Variants in SEMA5A observed in about 807,000 individuals in gnomAD.
SEMA5A encodes semaphorin 5A.
In SEMA5A, 55 loss-of-function variants were observed where a neutral mutation model predicts 135.5. The observed-to-expected ratio is 0.41, with a 90% confidence interval of 0.33 to 0.51. The LOEUF (loss-of-function observed/expected upper bound fraction) is 0.51, where lower values mean the gene tolerates loss of function less well. SEMA5A is among the 20% of genes least tolerant of loss of function. SEMA5A has a pLI of 0.37. For synonymous variants in SEMA5A, 580 were observed against 546.5 expected (o/e 1.06, Z -0.85); for missense variants, 1,290 against 1,419.9 (o/e 0.91, Z 1.47).
intron 5 of SEMA5A, among the ~76,000 whole-genome samples, chr5:9,264,140 A>C (rs1749552041): frequency 1.3e-5 from 2 of 152,246 alleles, no homozygotes; most frequent in African/African-American, 4.8e-5. Context: ...ATAAGAAGAG[A>C]ATAAAACATA....
chr5:9,116,865 C>G (rs1740543210), intron 15 of SEMA5A, among the ~76,000 whole-genome samples: 1 of 152,132 alleles, frequency 6.6e-6, no homozygotes, highest in African/African-American at 2.4e-5. Context: ...TTTCATATAA[C>G]ATGGCAGAGA....
chr5:9,204,285 G>C lies in SEMA5A; in HGVS notation c.647-2045C>G, dbSNP rs946533629. On this transcript the variant is annotated intron_variant, in intron 8 of 22. Transcript: ENST00000382496. The surrounding 1 kb of genome is among the most constrained non-coding windows in gnomAD (Gnocchi z 6.4). Reference sequence around the variant, plus strand: ...GTAAGGGTCCAAGTGTGTCTAGCCCGGGACTTAGGTTACCAGCACACATGC... The same window carrying C: ...GTAAGGGTCCAAGTGTGTCTAGCCCCGGACTTAGGTTACCAGCACACATGC... 6.6e-6 allele frequency among the ~76,000 whole-genome samples: 1 copy of C among 152,100 alleles called. No homozygotes were observed. The highest frequency in any genetic ancestry group is 2.4e-5 in the African/African-American group (1 of 41,408).
chr5:9,137,895 C>A lies in SEMA5A; in HGVS notation c.1482-1274G>T, dbSNP rs140506763. Among the ~76,000 whole-genome samples, 136 of 152,190 alleles carry A rather than the reference C, an allele frequency of 8.9e-4. 2 individuals are homozygous for A. Among genetic ancestry groups the A allele is most frequent in the African/African-American group, 2.9e-3 (121 of 41,510 alleles). ...TTTGGTCATTTAAACCCCATGACAA[C>A]CTTATTAATACAGTACCTCAATTAG... On this transcript the variant is annotated intron_variant, in intron 12 of 22. Transcript: ENST00000382496.
At chr5:9,473,034 C>T (rs1034939255) in intron 1 of SEMA5A, among the ~76,000 whole-genome samples, 2 of 148,944 alleles carry the variant, frequency 1.3e-5, no homozygotes, top group African/African-American at 4.9e-5. Flanking sequence ...TTTCTTTGCC[C>T]CATATTTTAA....
At chr5:9,482,051 T>C (rs557478842) in intron 1 of SEMA5A, among the ~76,000 whole-genome samples, 6 of 152,342 alleles carry the variant, frequency 3.9e-5, no homozygotes, top group African/African-American at 9.6e-5. Context: ...GAAATTTCAC[T>C]GACCCAAAAA....
chr5:9,201,825 T>C (rs1031718239), intron 9 of SEMA5A, 130 bp downstream of exon 9: 4 of 846,780 alleles, frequency 4.7e-6, no homozygotes, highest in Non-Finnish European at 7.2e-6. Flanking sequence ...TCCTCTTTTT[T>C]TGTCTGTTAG....
intron 1 of SEMA5A, among the ~76,000 whole-genome samples, chr5:9,493,190 C>T (rs1402784230): frequency 1.3e-5 from 2 of 151,606 alleles, no homozygotes; most frequent in Non-Finnish European, 2.9e-5. Flanking sequence ...AAAATAAAGC[C>T]TAACAGTTCA....
At chr5:9,205,659 A>G (rs868209467) in intron 8 of SEMA5A, among the ~76,000 whole-genome samples, 1 of 152,212 alleles carries the variant, frequency 6.6e-6, no homozygotes, top group Non-Finnish European at 1.5e-5. Flanking sequence ...GCTCAAATAC[A>G]TGTTTTCCTT....
intron 4 of SEMA5A, among the ~76,000 whole-genome samples, chr5:9,322,407 G>GA (rs1455714583): frequency 6.6e-6 from 1 of 151,976 alleles, no homozygotes; most frequent in Non-Finnish European, 1.5e-5. Flanking sequence ...TGCTTACTAG[G>GA]AAAAATAGCA....
intron 1 of SEMA5A, among the ~76,000 whole-genome samples, chr5:9,497,197 A>G (rs1156669787): frequency 6.6e-6 from 1 of 152,200 alleles, no homozygotes; most frequent in Non-Finnish European, 1.5e-5. Flanking sequence ...TAATCAGCTG[A>G]TGATCAATGA....
chr5:9,297,201 T>C (rs1751380668), intron 5 of SEMA5A, among the ~76,000 whole-genome samples: 2 of 150,422 alleles, frequency 1.3e-5, no homozygotes, highest in South Asian at 4.2e-4. Context: ...CACATACATA[T>C]GTATATACAC....
chr5:9,480,292 A>G (rs1759826662), intron 1 of SEMA5A, among the ~76,000 whole-genome samples: 2 of 152,244 alleles, frequency 1.3e-5, no homozygotes, highest in Non-Finnish European at 2.9e-5. Context: ...ACTTTTTACT[A>G]TGTCCCTGAA....
intron 16 of SEMA5A, among the ~76,000 whole-genome samples, chr5:9,075,055 C>T (rs1737972553): frequency 6.6e-6 from 1 of 152,088 alleles, no homozygotes; most frequent in South Asian, 2.1e-4. Flanking sequence ...ACTACTCTTA[C>T]TAGTCATAAA....
intron 5 of SEMA5A, among the ~76,000 whole-genome samples, chr5:9,271,458 G>A (rs1432196026): frequency 1.3e-5 from 2 of 152,156 alleles, no homozygotes; most frequent in Non-Finnish European, 2.9e-5. Flanking sequence ...CTGAGTAACA[G>A]TTAGGGGCTA....
chr5:9,494,692 C>T (rs190895487), intron 1 of SEMA5A, among the ~76,000 whole-genome samples: 1 of 151,792 alleles, frequency 6.6e-6, no homozygotes, highest in African/African-American at 2.4e-5. Flanking sequence ...TAATTCTGTG[C>T]AAAATCATTG....
At chr5:9,065,701 G>GA (rs1737429327) in intron 17 of SEMA5A, among the ~76,000 whole-genome samples, 4 of 152,166 alleles carry the variant, frequency 2.6e-5, no homozygotes, top group Admixed American at 6.5e-5. Context: ...AGAGGAGGCT[G>GA]AAAAACAGAA....
intron 13 of SEMA5A, among the ~76,000 whole-genome samples, chr5:9,124,353 A>C (rs1226172532): frequency 6.6e-6 from 1 of 152,164 alleles, no homozygotes; most frequent in Non-Finnish European, 1.5e-5. Context: ...TGCTGGAAGG[A>C]GAGACTCATG....
chr5:9,501,915 C>T (rs903491007), intron 1 of SEMA5A, among the ~76,000 whole-genome samples: 3 of 152,108 alleles, frequency 2.0e-5, no homozygotes, highest in Non-Finnish European at 2.9e-5. Context: ...TTCATCCACC[C>T]GTAGAAAACA....
intron 21 of SEMA5A, chr5:9,045,856 A>T (rs188711270): frequency 1.6e-4 from 25 of 152,334 alleles, no homozygotes; most frequent in Admixed American, 1.3e-3. Flanking sequence ...TATATCTCTA[A>T]AATAGGATTG....
Sources: gnomAD v4.1 joint callset for allele counts (sites outside exome capture counted in the v4.1 genomes callset) on GRCh38, gnomAD v4.1.1 for gene constraint, Gnocchi (gnomAD v3.1) non-coding constraint, MANE v1.5 for transcripts, NCBI Gene and HGNC (gene_info 2026-07-23, HGNC 2026-07-21) for gene names.